ANKRD44: variants seen among roughly 807,000 people sequenced by gnomAD.
ANKRD44 encodes serine/threonine-protein phosphatase 6 regulatory ankyrin repeat subunit B.
In ANKRD44, 35 loss-of-function variants were observed where a neutral mutation model predicts 116.0. That is an observed-to-expected ratio of 0.30 (90% CI 0.23 to 0.40). The LOEUF (loss-of-function observed/expected upper bound fraction) is 0.40. ANKRD44 is among the 10% of genes least tolerant of loss of function. The probability of loss-of-function intolerance (pLI) is 1.00; values close to 1 mark genes in which losing one functional copy is unlikely to be tolerated. For synonymous variants in ANKRD44, 435 were observed against 461.8 expected (o/e 0.94, Z 0.74); for missense variants, 1,014 against 1,242.6 (o/e 0.82, Z 2.77).
intron 2 of ANKRD44, among the ~76,000 whole-genome samples, chr2:197,169,918 C>T (rs976994680): frequency 3.3e-5 from 5 of 151,956 alleles, no homozygotes; most frequent in Non-Finnish European, 7.4e-5. Flanking sequence ...AGGCCAGGTA[C>T]GTGGTTCATG....
At chr2:197,294,204 A>G (rs1194318461) in intron 1 of ANKRD44, among the ~76,000 whole-genome samples, 1 of 152,238 alleles carries the variant, frequency 6.6e-6, no homozygotes, top group Non-Finnish European at 1.5e-5. Flanking sequence ...CATGTTTTCT[A>G]AAGTTGTACA....
At chr2:197,231,078 C>T (rs776154495) in intron 1 of ANKRD44, among the ~76,000 whole-genome samples, 4 of 152,236 alleles carry the variant, frequency 2.6e-5, no homozygotes, top group Non-Finnish European at 5.9e-5. Context: ...ACAAAACAAA[C>T]AGATGAGCCT....
At chr2:197,101,663 C>A (rs1422327170) in intron 9 of ANKRD44, among the ~76,000 whole-genome samples, 2 of 152,134 alleles carry the variant, frequency 1.3e-5, no homozygotes, top group African/African-American at 4.8e-5. Flanking sequence ...ACACTTACTG[C>A]AAAAATATCT....
intron 1 of ANKRD44, among the ~76,000 whole-genome samples, chr2:197,218,050 A>T (rs1288780224): frequency 2.0e-5 from 3 of 152,204 alleles, no homozygotes; most frequent in Admixed American, 6.5e-5. Flanking sequence ...AGATGAAAAT[A>T]CTAGAATAAA....
In ANKRD44 at chr2:197,201,925, G is replaced by A. The variant is rs564424941; in HGVS notation, c.28-14819C>T. Among the ~76,000 whole-genome samples, 1 of 152,304 alleles carries A rather than the reference G, an allele frequency of 6.6e-6. No homozygotes were observed. Among genetic ancestry groups the A allele is most frequent in the Admixed American group, 6.5e-5 (1 of 15,296 alleles). ...GCTCCCACTTGTAAGAACATTCATAGCCACTGTTACCTCATCACCATGTAA... is the reference window on the plus strand; with the variant it reads ...GCTCCCACTTGTAAGAACATTCATAACCACTGTTACCTCATCACCATGTAA... On this transcript the variant is annotated intron_variant, in intron 1 of 27. Coordinates refer to ENST00000282272, the MANE Select transcript of ANKRD44 (RefSeq NM_001195144.2). The surrounding 1 kb of genome is among the most constrained non-coding windows in gnomAD (Gnocchi z 4.0).
intron 1 of ANKRD44, among the ~76,000 whole-genome samples, chr2:197,287,793 G>C (rs1309722329): frequency 6.6e-6 from 1 of 151,998 alleles, no homozygotes; most frequent in African/African-American, 2.4e-5. Flanking sequence ...GCCGAGGCGG[G>C]CATATCACTT....
chr2:197,131,112 C>T (rs1246417014), intron 4 of ANKRD44, among the ~76,000 whole-genome samples: 10 of 152,168 alleles, frequency 6.6e-5, no homozygotes, highest in African/African-American at 2.4e-4. Flanking sequence ...CAATAGCATC[C>T]GTCTCGAAGG....
chr2:197,116,929 T>A (rs2078724730), intron 8 of ANKRD44, among the ~76,000 whole-genome samples: 1 of 152,202 alleles, frequency 6.6e-6, no homozygotes, highest in Non-Finnish European at 1.5e-5. Flanking sequence ...TCTTTCTTAA[T>A]GAACATCAAT....
intron 21 of ANKRD44, 90 bp from the exon 22 acceptor site, chr2:197,001,930 T>C: frequency 3.3e-6 from 3 of 921,110 alleles, no homozygotes; most frequent in Non-Finnish European, 5.0e-6. Flanking sequence ...GAGTTTTTGG[T>C]TTATGAATTT....
rs1429404873 is a variant in ANKRD44, at chr2:197,007,833, G to T, written c.2103C>A (p.Ile701=). The T allele has an allele frequency of 3.1e-6, 5 of 1,613,482 alleles. No individual in the cohort carries two copies. The African/African-American group carries it at 6.7e-5, about 22-fold the overall frequency. The change falls in exon 20 of 28, where the codon ATC becomes ATA. Residue 701 remains isoleucine, a synonymous_variant. Coordinates refer to ENST00000282272, the MANE Select transcript of ANKRD44 (RefSeq NM_001195144.2). ...EKEANVDTVD[I]LGCTALHRGI... is the part of the protein sequence containing the mutation. ...CTCTGTGTAAAGCTGTGCATCCTAG[G>T]ATGTCAACAGTGTCTACGTTGGCTT... is the stretch of plus-strand genomic sequence containing the variant.
At chr2:197,233,533 A>G (rs1203588884) in intron 1 of ANKRD44, among the ~76,000 whole-genome samples, 1 of 152,248 alleles carries the variant, frequency 6.6e-6, no homozygotes, top group Non-Finnish European at 1.5e-5. Flanking sequence ...TCTATTTCAT[A>G]TCATGGCTTT....
At chr2:197,290,069 A>C (rs555953455) in intron 1 of ANKRD44, among the ~76,000 whole-genome samples, 1 of 152,190 alleles carries the variant, frequency 6.6e-6, no homozygotes, top group East Asian at 1.9e-4. Context: ...TATGTTGGCC[A>C]GGCTGGTCTC....
At chr2:197,147,428 TAAAA>T (rs34720427) in intron 2 of ANKRD44, among the ~76,000 whole-genome samples, 7 of 142,904 alleles carry the variant, frequency 4.9e-5, no homozygotes, top group Admixed American at 6.9e-5. Flanking sequence ...TCAGGATGGT[TAAAA>T]AAAAAAAAAA....
chr2:197,222,077 A>G (rs1215623865), intron 1 of ANKRD44, among the ~76,000 whole-genome samples: 1 of 152,240 alleles, frequency 6.6e-6, no homozygotes, highest in Non-Finnish European at 1.5e-5. Context: ...TATAGCTAAG[A>G]ACAGCACCTG....
chr2:196,967,729 A>G (rs942978996), intron 21 of ANKRD44, among the ~76,000 whole-genome samples: 7 of 152,304 alleles, frequency 4.6e-5, no homozygotes, highest in Admixed American at 1.3e-4. Flanking sequence ...TAGGAAAGAA[A>G]CTCAACTGAT....
At chr2:197,151,234 C>T (rs542852388) in intron 2 of ANKRD44, among the ~76,000 whole-genome samples, 1 of 152,082 alleles carries the variant, frequency 6.6e-6, no homozygotes, top group African/African-American at 2.4e-5. Context: ...ACCTGGGACA[C>T]CCACAGATTA....
At chr2:197,285,889 C>G (rs535145524) in intron 1 of ANKRD44, among the ~76,000 whole-genome samples, 136 of 152,332 alleles carry the variant, frequency 8.9e-4, no homozygotes, top group African/African-American at 2.8e-3. Context: ...CTGACAAAAT[C>G]AGAATCAGGC....
At chr2:197,228,485 G>C (rs965823381) in intron 1 of ANKRD44, among the ~76,000 whole-genome samples, 5 of 152,134 alleles carry the variant, frequency 3.3e-5, no homozygotes, top group African/African-American at 1.2e-4. Flanking sequence ...ATTCTTTATT[G>C]ACTTTGAGTA....
Position 197,024,510 on chromosome 2 carries a change from G to A in ANKRD44, c.1722+686C>T, listed in dbSNP as rs990645950. ...AGCAACTCACAATCTGAGACAGAGT[G>A]GTGGGTGCACTTCCCACCTTGGTCA... On this transcript the variant is annotated intron_variant, in intron 17 of 27. Coordinates refer to ENST00000282272, the MANE Select transcript of ANKRD44 (RefSeq NM_001195144.2). Among the ~76,000 whole-genome samples, 3 of 152,328 alleles carry A rather than the reference G, an allele frequency of 2.0e-5. No homozygotes were observed. The East Asian group carries it at 5.8e-4, about 29-fold the overall frequency.
Sources: gnomAD v4.1 joint callset for allele counts (sites outside exome capture counted in the v4.1 genomes callset) on GRCh38, gnomAD v4.1.1 for gene constraint, Gnocchi (gnomAD v3.1) non-coding constraint, MANE v1.5 for transcripts, NCBI Gene and HGNC (gene_info 2026-07-23, HGNC 2026-07-21) for gene names.